The following MBD5 variants were observed in gnomAD, a reference collection of about 807,000 sequenced individuals.
MBD5 encodes methyl-CpG-binding domain protein 5.
In MBD5, 13 loss-of-function variants were observed where a neutral mutation model predicts 117.3. The ratio of observed to expected loss-of-function variants is 0.11; its 90% CI spans 0.07 to 0.18. The LOEUF is 0.18. Among genes scored for constraint, MBD5 ranks in the 10% least tolerant of loss-of-function variants. The probability of loss-of-function intolerance (pLI) is 1.00; values close to 1 mark genes in which losing one functional copy is unlikely to be tolerated. For synonymous variants in MBD5, 727 were observed against 766.4 expected (o/e 0.95, Z 0.85); for missense variants, 1,879 against 2,093.8 (o/e 0.90, Z 2.00).
intron 4 of MBD5, among the ~76,000 whole-genome samples, chr2:148,396,682 T>C (rs754483070): frequency 4.6e-5 from 7 of 152,176 alleles, no homozygotes; most frequent in Non-Finnish European, 8.8e-5. Flanking sequence ...TGGCTTCCAG[T>C]TGGGTTTGGC....
Position 148,021,232 on chromosome 2 carries a change from G to T in MBD5, c.-1377G>T. ...CAACCTTGAATTCAGGGGGGTGGGGGGAAGGCGGCTGAGTTCCTTCCCCCA... is the reference window on the plus strand; with the variant it reads ...CAACCTTGAATTCAGGGGGGTGGGGTGAAGGCGGCTGAGTTCCTTCCCCCA... On this transcript the variant is annotated 5_prime_UTR_variant, in exon 1 of 14. Transcript: ENST00000642680. 3.8e-6 allele frequency: 1 copy of T among 263,898 alleles called. No homozygotes were observed. Among genetic ancestry groups the T allele is most frequent in the Non-Finnish European group, 7.8e-6 (1 of 128,546 alleles). The allele number at this position is 263,898 out of a possible 1,614,324, so 16.3% of individuals were successfully genotyped here. A position where few individuals can be genotyped will look rare whatever the true frequency, so the allele number is the denominator to read the frequency against.
intron 1 of MBD5, among the ~76,000 whole-genome samples, chr2:148,100,496 A>G (rs1696179488): frequency 6.6e-6 from 1 of 152,190 alleles, no homozygotes; most frequent in Non-Finnish European, 1.5e-5. Flanking sequence ...AAATTCAGAC[A>G]GGGCACAGTA....
At chr2:148,408,584 T>C (rs1030085556) in intron 4 of MBD5, among the ~76,000 whole-genome samples, 7 of 152,234 alleles carry the variant, frequency 4.6e-5, no homozygotes, top group African/African-American at 1.7e-4. Flanking sequence ...TAAAGGCTTC[T>C]ATTTAATGTT....
intron 4 of MBD5, among the ~76,000 whole-genome samples, chr2:148,398,607 G>C (rs1704813426): frequency 6.6e-6 from 1 of 152,118 alleles, no homozygotes; most frequent in African/African-American, 2.4e-5. Flanking sequence ...TAGGTTGCCT[G>C]TTCACTCTGA....
intron 3 of MBD5, among the ~76,000 whole-genome samples, chr2:148,332,209 C>T (rs1702677383): frequency 6.6e-6 from 1 of 152,092 alleles, no homozygotes; most frequent in South Asian, 2.1e-4. Context: ...GCCACAAGCA[C>T]ACCATCATTT....
chr2:148,446,212 C>G (rs1331080940), intron 4 of MBD5, among the ~76,000 whole-genome samples: 1 of 151,904 alleles, frequency 6.6e-6, no homozygotes, highest in Non-Finnish European at 1.5e-5. Context: ...TTGCCCACGC[C>G]TATGTCCTGA....
chr2:148,256,409 G>A (rs185664210), intron 3 of MBD5, among the ~76,000 whole-genome samples: 6 of 152,296 alleles, frequency 3.9e-5, no homozygotes, highest in Admixed American at 6.5e-5. Flanking sequence ...CATGATAAAC[G>A]GTTACCTGTT....
intron 2 of MBD5, among the ~76,000 whole-genome samples, chr2:148,216,615 A>T (rs55970036): frequency 6.6e-6 from 1 of 152,128 alleles, no homozygotes; most frequent in East Asian, 1.9e-4. Flanking sequence ...TTTTCAAAAC[A>T]TTTTTTTAAC....
At chr2:148,376,618 A>C (rs2105399677) in intron 4 of MBD5, among the ~76,000 whole-genome samples, 1 of 148,684 alleles carries the variant, frequency 6.7e-6, no homozygotes, top group East Asian at 1.9e-4. Context: ...TTATGAAGAA[A>C]AAAATTGTCT....
rs1305295618 is a variant in MBD5, at chr2:148,023,435, G to A, written c.-925+1751G>A. Among the ~76,000 whole-genome samples the A allele has an allele frequency of 2.6e-5, 4 of 152,116 alleles. No individual in the cohort carries two copies. The East Asian group carries it at 5.8e-4, about 22-fold the overall frequency. Reference sequence around the variant, plus strand: ...CATACCGAAATAAAAAAGCTTTATAGCAGTAAACAATATGATCTTATTTCC... The same window carrying A: ...CATACCGAAATAAAAAAGCTTTATAACAGTAAACAATATGATCTTATTTCC... On this transcript the variant is annotated intron_variant, in intron 1 of 13. Coordinates refer to ENST00000642680, the MANE Select transcript of MBD5 (RefSeq NM_001378120.1).
At chr2:148,408,533 T>C (rs1427002657) in intron 4 of MBD5, among the ~76,000 whole-genome samples, 1 of 152,198 alleles carries the variant, frequency 6.6e-6, no homozygotes, top group Admixed American at 6.5e-5. Flanking sequence ...TCCAAGGACA[T>C]TTACATAATA....
intron 3 of MBD5, chr2:148,244,120 T>C (rs552132602): frequency 5.5e-4 from 84 of 151,604 alleles, no homozygotes; most frequent in African/African-American, 2.0e-3. Context: ...AACAAAGTAC[T>C]TTAGAATTAA....
intron 4 of MBD5, among the ~76,000 whole-genome samples, chr2:148,420,937 G>A (rs1260611943): frequency 6.6e-6 from 1 of 151,986 alleles, no homozygotes; most frequent in Non-Finnish European, 1.5e-5. Context: ...CCATTTTGCC[G>A]AGGCTGGTCT....
intron 11 of MBD5, among the ~76,000 whole-genome samples, chr2:148,500,966 C>T (rs972933616): frequency 6.6e-6 from 1 of 152,112 alleles, no homozygotes; most frequent in African/African-American, 2.4e-5. Flanking sequence ...CCAGTGGTCC[C>T]AGTAACCCAA....
At chr2:148,302,274 T>C (rs1433885173) in intron 3 of MBD5, among the ~76,000 whole-genome samples, 1 of 152,208 alleles carries the variant, frequency 6.6e-6, no homozygotes, top group Non-Finnish European at 1.5e-5. Flanking sequence ...GCTCATAGTG[T>C]TAAGTTCTGT....
At chr2:148,286,592 G>A (rs1701374006) in intron 3 of MBD5, among the ~76,000 whole-genome samples, 1 of 152,114 alleles carries the variant, frequency 6.6e-6, no homozygotes, top group African/African-American at 2.4e-5. Flanking sequence ...CACTGTACCA[G>A]AACTATGAAT....
chr2:148,462,535 G>A (rs756415056), intron 5 of MBD5, 47 bp from the exon 6 acceptor site: 3 of 1,169,928 alleles, frequency 2.6e-6, no homozygotes, highest in South Asian at 2.4e-5. Context: ...CATATAATAT[G>A]TGTAGTCAAA....
chr2:148,412,272 T>TTTTTTTTGTGTGTGTGTGTG (rs946184910), intron 4 of MBD5, among the ~76,000 whole-genome samples: 3 of 144,480 alleles, frequency 2.1e-5, no homozygotes, highest in African/African-American at 7.9e-5. Context: ...AGTATACTTT[T>TTTTTTTTGTGTGTGTGTGTG]TGTGTGTGTG....
At chr2:148,034,131 G>A (rs570627596) in intron 1 of MBD5, among the ~76,000 whole-genome samples, 1 of 152,108 alleles carries the variant, frequency 6.6e-6, no homozygotes, top group Non-Finnish European at 1.5e-5. Flanking sequence ...CGAGGTCAAG[G>A]CTGCAGGGAG....
Sources: gnomAD v4.1 joint callset for allele counts (sites outside exome capture counted in the v4.1 genomes callset) on GRCh38, gnomAD v4.1.1 for gene constraint, MANE v1.5 for transcripts, NCBI Gene and HGNC (gene_info 2026-07-23, HGNC 2026-07-21) for gene names.